ZNF462: variants seen among roughly 807,000 people sequenced by gnomAD.
ZNF462 encodes zinc finger PBX1-interacting protein.
In ZNF462, 10 loss-of-function variants were observed where a neutral mutation model predicts 201.9. The observed-to-expected ratio is 0.05, with a 90% CI of 0.03 to 0.08. The LOEUF (loss-of-function observed/expected upper bound fraction) is 0.08, where lower values mean the gene tolerates loss of function less well. Among genes scored for constraint, ZNF462 ranks in the 10% least tolerant of loss-of-function variants. ZNF462 has a pLI of 1.00. For synonymous variants in ZNF462, 1,227 were observed against 1,193.3 expected (o/e 1.03, Z -0.58); for missense variants, 2,523 against 3,168.3 (o/e 0.80, Z 4.89).
chr9:107,003,289 T>C lies in ZNF462; in HGVS notation c.7057-5T>C, dbSNP rs1378296150. Reference sequence around the variant, plus strand: ...TATTCCATCATTTGTTTGGGCCTTTTTCAGGTAAGCCGTAACTTTGAGCTG... The same window carrying C: ...TATTCCATCATTTGTTTGGGCCTTTCTCAGGTAAGCCGTAACTTTGAGCTG... On this transcript the variant is annotated splice_polypyrimidine_tract_variant and splice_region_variant and intron_variant, in intron 10 of 12. Transcript: ENST00000277225. This position sits in a 1 kb window ranked among gnomAD's most constrained non-coding sequence, Gnocchi z 4.4. The C allele has an allele frequency of 4.3e-6, 7 of 1,613,350 alleles. No homozygotes were observed. The highest frequency in any genetic ancestry group is 5.9e-6 in the Non-Finnish European group (7 of 1,179,662).
In ZNF462 at chr9:106,913,467, C is replaced by A. The variant is rs1829635533; in HGVS notation, c.-30-9887C>A. On this transcript the variant is annotated intron_variant, in intron 1 of 12. Transcript: ENST00000277225. This position sits in a 1 kb window ranked among gnomAD's most constrained non-coding sequence, Gnocchi z 4.1. ...TATAAGAATAAAAAAGAACGTATTA[C>A]TTGTCCTCTGAAGAGTGACTTATAG... 6.6e-6 allele frequency among the ~76,000 whole-genome samples: 1 copy of A among 152,176 alleles called. No individual in the cohort carries two copies. The highest frequency in any genetic ancestry group is 2.4e-5 in the African/African-American group (1 of 41,452).
At chr9:106,878,478 A>G (rs893106147) in intron 1 of ZNF462, among the ~76,000 whole-genome samples, 1 of 152,230 alleles carries the variant, frequency 6.6e-6, no homozygotes, top group African/African-American at 2.4e-5. Context: ...TATTTAAGGA[A>G]TATGTGCCCA....
intron 6 of ZNF462, among the ~76,000 whole-genome samples, chr9:106,936,422 C>T (rs772064241): frequency 6.6e-6 from 1 of 152,168 alleles, no homozygotes; most frequent in African/African-American, 2.4e-5. Context: ...CCTTCACTTT[C>T]GCCAGCTCCT....
In ZNF462 at chr9:107,008,240, T is replaced by C. The variant is rs1322065415; in HGVS notation, c.7190-1305T>C. Among the ~76,000 whole-genome samples the C allele has an allele frequency of 2.6e-5, 4 of 152,224 alleles. No homozygotes were observed. The highest frequency in any genetic ancestry group is 5.9e-5 in the Non-Finnish European group (4 of 68,038). On this transcript the variant is annotated intron_variant, in intron 11 of 12. Transcript: ENST00000277225. This position sits in a 1 kb window ranked among gnomAD's most constrained non-coding sequence, Gnocchi z 4.8. ...TTAATGCGCAGAGCAGATGGTGCTG[T>C]CTCATTTCCAATGAAAAGAATCAAG...
At position 106,968,244 on chromosome 9, in the gene ZNF462, A is replaced by G. The variant is rs1416887472; in HGVS notation, c.6428-3761A>G. On this transcript the variant is annotated intron_variant, in intron 7 of 12. Transcript: ENST00000277225. The surrounding 1 kb of genome is among the most constrained non-coding windows in gnomAD (Gnocchi z 4.0). ...CTCAGCTTCAGCTACCTCACTGGTA[A>G]AATTGAGATGTAAACCCAATTAGAC... 6.6e-6 allele frequency among the ~76,000 whole-genome samples: 1 copy of G among 152,192 alleles called. No individual in the cohort carries two copies. The highest frequency in any genetic ancestry group is 1.5e-5 in the Non-Finnish European group (1 of 68,032).
At chr9:106,909,975 G>A (rs1478938239) in intron 1 of ZNF462, among the ~76,000 whole-genome samples, 1 of 152,012 alleles carries the variant, frequency 6.6e-6, no homozygotes, top group Non-Finnish European at 1.5e-5. Flanking sequence ...CTGTATGTTC[G>A]ATCTGTTTTC....
intron 7 of ZNF462, among the ~76,000 whole-genome samples, chr9:106,971,366 T>TA (rs71491265): frequency 5.4e-4 from 69 of 126,706 alleles, no homozygotes; most frequent in Middle Eastern, 7.8e-3. Context: ...CGATTTCCTT[T>TA]AAAAAAAAAA....
chr9:106,988,775 T>TA (rs1828043716), intron 10 of ZNF462, among the ~76,000 whole-genome samples: 2 of 152,140 alleles, frequency 1.3e-5, no homozygotes, highest in Admixed American at 6.6e-5. Flanking sequence ...GGTATATTCC[T>TA]AAGTACTTTA....
At chr9:106,946,768 A>G (rs1831126433) in intron 7 of ZNF462, among the ~76,000 whole-genome samples, 1 of 152,188 alleles carries the variant, frequency 6.6e-6, no homozygotes, top group South Asian at 2.1e-4. Flanking sequence ...CAGGAGTTCA[A>G]GACCAGCGTG....
Position 106,974,447 on chromosome 9 carries a change from T to G in ZNF462, c.6832+174T>G. 1.1e-6 allele frequency: 1 copy of G among 928,890 alleles called. No homozygotes were observed. The highest frequency in any genetic ancestry group is 1.7e-6 in the Non-Finnish European group (1 of 578,860). The allele number at this position is 928,890 out of a possible 1,614,324, so 57.5% of individuals were successfully genotyped here. On this transcript the variant is annotated intron_variant, in intron 9 of 12. Transcript: ENST00000277225. The surrounding 1 kb of genome is among the most constrained non-coding windows in gnomAD (Gnocchi z 4.0). ...GACAGCCAAAAGGGCAAAAACACCTTCCTGCTGGGAGTATTTCCTCCACCT... is the reference window on the plus strand; with the variant it reads ...GACAGCCAAAAGGGCAAAAACACCTGCCTGCTGGGAGTATTTCCTCCACCT...
In ZNF462 at chr9:106,930,704, G is replaced by A; in HGVS notation, c.6012+15G>A. The A allele has an allele frequency of 2.5e-6, 4 of 1,613,620 alleles. No individual in the cohort carries two copies. Among genetic ancestry groups the A allele is most frequent in the East Asian group, 2.2e-5 (1 of 44,872 alleles). On this transcript the variant is annotated intron_variant, in intron 4 of 12. Coordinates refer to ENST00000277225, the MANE Select transcript of ZNF462 (RefSeq NM_021224.6). This position sits in a 1 kb window ranked among gnomAD's most constrained non-coding sequence, Gnocchi z 5.8. ...CTGCTGTGAAGGTGAGAACTGGAAG[G>A]TCTGGATGAGCATTGTGTGTGAGCG...
At chr9:106,955,323 T>G (rs1478726649) in intron 7 of ZNF462, among the ~76,000 whole-genome samples, 1 of 152,194 alleles carries the variant, frequency 6.6e-6, no homozygotes, top group African/African-American at 2.4e-5. Context: ...ATGTTTACAC[T>G]ATACTGTAGT....
In ZNF462 at chr9:106,927,392, C is replaced by T. The variant is rs755889233; in HGVS notation, c.3480C>T (p.Val1160=). The change falls in exon 3 of 13, where the codon GTC becomes GTT. Residue 1160 remains valine (V), a synonymous_variant. Transcript: ENST00000277225. Reference sequence around the variant, plus strand: ...CCACAGCTGCAATGATGAGAGGGGTCGAAGGGCCCCAAGGCTCCCCCCGGC... The same window carrying T: ...CCACAGCTGCAATGATGAGAGGGGTTGAAGGGCCCCAAGGCTCCCCCCGGC... The part of the protein sequence containing the change: ...APPTAAMMRG[V]EGPQGSPRPP... 136 of 1,613,722 alleles carry T rather than the reference C, an allele frequency of 8.4e-5. No individual in the cohort carries two copies. The highest frequency in any genetic ancestry group is 6.2e-4 in the Admixed American group (37 of 59,978).
chr9:106,968,537 GGGTTGGTT>G lies in ZNF462; in HGVS notation c.6428-3445_6428-3438del, dbSNP rs368434088. ...CTCTTTTCTCAGACTGTATGTGTCA[GGGTTGGTT>G]GGTTGGTTGGTTGGTTGGTTGGGAA... On this transcript the variant is annotated intron_variant, in intron 7 of 12. Transcript: ENST00000277225. This position sits in a 1 kb window ranked among gnomAD's most constrained non-coding sequence, Gnocchi z 4.0. Among the ~76,000 whole-genome samples the G allele has an allele frequency of 3.3e-5, 5 of 151,980 alleles. No individual in the cohort carries two copies. The highest frequency in any genetic ancestry group is 9.7e-5 in the African/African-American group (4 of 41,316).
chr9:106,953,397 A>G (rs1260964435), intron 7 of ZNF462, among the ~76,000 whole-genome samples: 3 of 152,160 alleles, frequency 2.0e-5, no homozygotes, highest in African/African-American at 7.2e-5. Flanking sequence ...TTTCACAAGG[A>G]TCATCAGTGA....
intron 7 of ZNF462, 69 bp downstream of exon 7, chr9:106,939,176 A>T (rs1830759551): frequency 1.4e-6 from 2 of 1,382,468 alleles, no homozygotes; most frequent in East Asian, 2.5e-5. Context: ...ATTGCCAATC[A>T]TTTTTTTTAG....
chr9:106,930,707 T>G lies in ZNF462; in HGVS notation c.6012+18T>G, dbSNP rs568405332. On this transcript the variant is annotated intron_variant, in intron 4 of 12. Coordinates refer to ENST00000277225, the MANE Select transcript of ZNF462 (RefSeq NM_021224.6). This position sits in a 1 kb window ranked among gnomAD's most constrained non-coding sequence, Gnocchi z 5.8. ...CTGTGAAGGTGAGAACTGGAAGGTC[T>G]GGATGAGCATTGTGTGTGAGCGATT... 4 of 1,613,498 alleles carry G rather than the reference T, an allele frequency of 2.5e-6. No homozygotes were observed. In the South Asian group the frequency reaches 3.3e-5, roughly 13 times the overall value.
chr9:106,940,755 T>C (rs553269953), intron 7 of ZNF462, among the ~76,000 whole-genome samples: 2 of 152,148 alleles, frequency 1.3e-5, no homozygotes, highest in Admixed American at 1.3e-4. Context: ...CTGTAGTGTT[T>C]TTTTTTTCTC....
At chr9:106,898,354 T>A (rs931842738) in intron 1 of ZNF462, among the ~76,000 whole-genome samples, 1 of 152,132 alleles carries the variant, frequency 6.6e-6, no homozygotes, top group Non-Finnish European at 1.5e-5. Context: ...AGCCTTGAGG[T>A]GCCAGGAAAG....
Sources: allele counts gnomAD v4.1 joint callset (sites outside exome capture counted in the v4.1 genomes callset), GRCh38; gene constraint gnomAD v4.1.1; non-coding constraint Gnocchi (gnomAD v3.1); transcripts MANE v1.5; gene names NCBI Gene and HGNC (gene_info 2026-07-23, HGNC 2026-07-21).